Variants in NFIB observed in about 807,000 individuals in gnomAD.
NFIB encodes the protein nuclear factor I B.
In NFIB, 11 loss-of-function variants were observed where a neutral mutation model predicts 61.5. The ratio of observed to expected loss-of-function variants is 0.18; its 90% CI spans 0.11 to 0.30. The LOEUF is 0.30. Among genes scored for constraint, NFIB ranks in the 10% least tolerant of loss-of-function variants. The pLI, the probability that NFIB is intolerant of heterozygous loss-of-function variation, is 1.00. For missense variants in NFIB, 471 were observed against 608.9 expected, an observed-to-expected ratio of 0.77 and a Z score of 2.38; for synonymous variants, 260 against 216.5, an observed-to-expected ratio of 1.20 and a Z score of -1.76.
chr9:14,136,980 T>C (rs542740698), intron 6 of NFIB, among the ~76,000 whole-genome samples: 1 of 152,294 alleles, frequency 6.6e-6, no homozygotes, highest in South Asian at 2.1e-4. Context: ...ATTCTGTCAA[T>C]GAAATTACTA....
intron 10 of NFIB, among the ~76,000 whole-genome samples, chr9:14,109,446 A>G (rs922017476): frequency 6.6e-6 from 1 of 152,054 alleles, no homozygotes; most frequent in African/African-American, 2.4e-5. Flanking sequence ...GTTCCAAACC[A>G]TAAAAAGACA....
At chr9:14,363,350 A>G (rs987786129) in intron 1 of NFIB, among the ~76,000 whole-genome samples, 6 of 151,970 alleles carry the variant, frequency 3.9e-5, no homozygotes, top group African/African-American at 1.5e-4. Flanking sequence ...TTGGAAGAAC[A>G]CTCTACTGTG....
chr9:14,390,186 CAT>C (rs2061603313), intron 1 of NFIB, among the ~76,000 whole-genome samples: 1 of 152,160 alleles, frequency 6.6e-6, no homozygotes, highest in Non-Finnish European at 1.5e-5. Flanking sequence ...GGCAAGCAAT[CAT>C]GCCACAGTTA....
At chr9:14,451,445 G>C in the NFIB span, among the ~76,000 whole-genome samples, 1 of 151,936 alleles carries the variant, frequency 6.6e-6, no homozygotes, top group Non-Finnish European at 1.5e-5. Context: ...TCAACTCTTG[G>C]CCAATTATTC....
rs947486086 is a variant in NFIB at position 14,084,721 on chromosome 9, G to A, written c.*3588C>T. On this transcript the variant is annotated 3_prime_UTR_variant, in exon 11 of 11. Transcript: ENST00000380953. ...CTGCAGTTCTGGGTAAGGGAGGGGC[G>A]TGCAAGACCTGCAAAAGTGGGGCCC... The A allele has an allele frequency of 6.5e-5, 15 of 229,742 alleles. No individual in the cohort carries two copies. The highest frequency in any genetic ancestry group is 2.9e-4 in the African/African-American group (13 of 45,250). 14.2% of individuals were successfully genotyped at this position (229,742 alleles called of 1,614,324 possible).
intron 2 of NFIB, among the ~76,000 whole-genome samples, chr9:14,282,667 T>C (rs1313383226): frequency 6.6e-6 from 1 of 152,192 alleles, no homozygotes; most frequent in Non-Finnish European, 1.5e-5. Context: ...AACAATCTGA[T>C]CAGGAAGGCA....
intron 2 of NFIB, among the ~76,000 whole-genome samples, chr9:14,292,750 A>G (rs940218830): frequency 2.0e-5 from 3 of 152,226 alleles, no homozygotes; most frequent in Admixed American, 6.5e-5. Flanking sequence ...CAGTAAACAA[A>G]GGAATGGAAG....
chr9:14,509,630 A>G, the NFIB span, among the ~76,000 whole-genome samples: 4 of 152,138 alleles, frequency 2.6e-5, no homozygotes, highest in East Asian at 1.9e-4. Context: ...CTTTTCTCCA[A>G]TTTATTTCCT....
intron 2 of NFIB, among the ~76,000 whole-genome samples, chr9:14,266,334 T>C (rs549055605): frequency 1.3e-5 from 2 of 152,308 alleles, no homozygotes; most frequent in South Asian, 4.1e-4. Context: ...CTCGCACCTG[T>C]AATCCCAGCA....
At chr9:14,468,308 C>A in the NFIB span, among the ~76,000 whole-genome samples, 1 of 152,144 alleles carries the variant, frequency 6.6e-6, no homozygotes, top group African/African-American at 2.4e-5. Context: ...TTGTAAAATG[C>A]TAATTAAGGT....
chr9:14,432,812 C>T, the NFIB span, among the ~76,000 whole-genome samples: 1 of 152,160 alleles, frequency 6.6e-6, no homozygotes, highest in East Asian at 1.9e-4. Flanking sequence ...CTTCATAATG[C>T]TATGAGGCCA....
At chr9:14,159,795 G>A (rs2043933404) in intron 3 of NFIB, among the ~76,000 whole-genome samples, 1 of 152,186 alleles carries the variant, frequency 6.6e-6, no homozygotes, top group African/African-American at 2.4e-5. Context: ...GATAGGGGGT[G>A]AAACTCAGCA....
At chr9:14,377,499 G>A (rs1469736270) in intron 1 of NFIB, among the ~76,000 whole-genome samples, 1 of 152,174 alleles carries the variant, frequency 6.6e-6, no homozygotes, top group Non-Finnish European at 1.5e-5. Flanking sequence ...TTACAGGCAA[G>A]AGCCACCGTG....
intron 10 of NFIB, among the ~76,000 whole-genome samples, chr9:14,105,462 T>C (rs1232683921): frequency 1.3e-5 from 2 of 152,312 alleles, no homozygotes; most frequent in Non-Finnish European, 2.9e-5. Flanking sequence ...TCTTGAACTT[T>C]CTGAGGAGAC....
chr9:14,394,908 A>C (rs2133041092), intron 1 of NFIB, among the ~76,000 whole-genome samples: 1 of 152,344 alleles, frequency 6.6e-6, no homozygotes, highest in East Asian at 1.9e-4. Context: ...GGCTGTAAGA[A>C]TATAATTAAT....
intron 2 of NFIB, among the ~76,000 whole-genome samples, chr9:14,234,781 T>C (rs551371648): frequency 1.3e-5 from 2 of 149,122 alleles, no homozygotes; most frequent in Non-Finnish European, 2.9e-5. Flanking sequence ...GTGCTGGCAT[T>C]TGTTCGTTGA....
chr9:14,388,572 T>C (rs2061582984), intron 1 of NFIB, among the ~76,000 whole-genome samples: 1 of 151,932 alleles, frequency 6.6e-6, no homozygotes, highest in Admixed American at 6.6e-5. Context: ...TGTGCTATGA[T>C]ACTCAGTGTA....
intron 2 of NFIB, among the ~76,000 whole-genome samples, chr9:14,230,917 T>G (rs1020936572): frequency 1.4e-4 from 21 of 151,516 alleles, no homozygotes; most frequent in African/African-American, 4.4e-4. Context: ...TCCACAATCA[T>G]CCCTCAGAAC....
chr9:14,447,465 C>T, the NFIB span, among the ~76,000 whole-genome samples: 1 of 152,106 alleles, frequency 6.6e-6, no homozygotes, highest in South Asian at 2.1e-4. Flanking sequence ...GGTCACTCTC[C>T]ATTAAATTCT....
Sources: gnomAD v4.1 joint callset for allele counts (sites outside exome capture counted in the v4.1 genomes callset) on GRCh38, gnomAD v4.1.1 for gene constraint, MANE v1.5 for transcripts, NCBI Gene and HGNC (gene_info 2026-07-23, HGNC 2026-07-21) for gene names.